Variants in NRP1 observed in about 807,000 individuals in gnomAD.
NRP1 encodes the protein neuropilin 1.
Under a neutral mutation model 106.7 loss-of-function variants are expected in NRP1, and 35 were observed. The observed-to-expected ratio is 0.33, with a 90% CI of 0.25 to 0.43. The LOEUF is 0.43. NRP1 is among the 20% of genes least tolerant of loss of function. The probability of loss-of-function intolerance (pLI) is 1.00; values close to 1 mark genes in which losing one functional copy is unlikely to be tolerated. For synonymous variants in NRP1, 437 were observed against 417.9 expected, an observed-to-expected ratio of 1.05 and a Z score of -0.56; for missense variants, 1,024 against 1,170.4, an observed-to-expected ratio of 0.87 and a Z score of 1.83.
At position 33,182,740 on chromosome 10, in the gene NRP1, C is replaced by T; in HGVS notation, c.2440G>A (p.Asp814Asn). 6.2e-7 allele frequency: 1 copy of T among 1,612,816 alleles called. No homozygotes were observed. The highest frequency in any genetic ancestry group is 8.5e-7 in the Non-Finnish European group (1 of 1,179,538). Residue 814 changes from aspartate to asparagine, a missense_variant, in exon 16 of 17, where the codon GAC (aspartate) becomes AAC (asparagine). Coordinates refer to ENST00000374867, the MANE Select transcript of NRP1 (RefSeq NM_003873.7). ...ATTTCTGGGTTCTTTTTATCCAGGT[C>T]TGCTGGTTCTGACAAGTCAAACAAA... is the stretch of plus-strand genomic sequence containing the variant. ...ISQEDCAKPA[D>N]LDKKNPEIKI...
chr10:33,327,938 A>T (rs1297689985), intron 2 of NRP1, among the ~76,000 whole-genome samples: 1 of 152,130 alleles, frequency 6.6e-6, no homozygotes, highest in Non-Finnish European at 1.5e-5. Flanking sequence ...TTTTCCATGG[A>T]TCTAATCTCC....
At chr10:33,315,714 C>T (rs573964304) in intron 2 of NRP1, among the ~76,000 whole-genome samples, 3 of 96,492 alleles carry the variant, frequency 3.1e-5, no homozygotes, top group East Asian at 6.1e-4. Flanking sequence ...TGTCAGAGGA[C>T]GGAGAAAGAA....
intron 10 of NRP1, chr10:33,205,426 C>T (rs966028912): frequency 7.9e-5 from 12 of 152,038 alleles, no homozygotes; most frequent in Admixed American, 2.0e-4. Context: ...TAGACAAGGC[C>T]GATTTATCAA....
rs777399733 is a variant in NRP1, at chr10:33,256,460, T to C, written c.670A>G (p.Ile224Val). 5 of 1,614,062 alleles carry C rather than the reference T, an allele frequency of 3.1e-6. No homozygotes were observed. The Admixed American group carries it at 5.0e-5, about 16-fold the overall frequency. ...GTTTTCTGTCCACAGTAACGCCCAA[T>C]GTGAGGGCCAACTGGAAAGGGAGGA... ...WDGFPDVGPH[I>V]GRYCGQKTPG... The change falls in exon 5 of 17, where the codon ATT becomes GTT. Residue 224 changes from isoleucine (I) to valine (V), a missense_variant. Transcript: ENST00000374867.
intron 16 of NRP1, among the ~76,000 whole-genome samples, chr10:33,181,414 A>G (rs1835676896): frequency 6.6e-6 from 1 of 152,170 alleles, no homozygotes; most frequent in Non-Finnish European, 1.5e-5. Context: ...GCAAGGTGCA[A>G]TATTTATTTG....
chr10:33,197,708 A>G lies in NRP1; in HGVS notation c.1866T>C (p.Gly622=). ...TTTCTGTGGCCAGCACAGTGGTGCC[A>G]CCTGAAAAACAAAAACAGGAACATG... ...SGTGDDFQLT[G]GTTVLATEKP... The change falls in exon 12 of 17, where the codon GGT becomes GGC. Residue 622 remains glycine (G), a splice_region_variant and synonymous_variant. Coordinates refer to ENST00000374867, the MANE Select transcript of NRP1 (RefSeq NM_003873.7). 1 of 1,588,664 alleles carries G rather than the reference A, an allele frequency of 6.3e-7. No individual in the cohort carries two copies. The highest frequency in any genetic ancestry group is 8.6e-7 in the Non-Finnish European group (1 of 1,164,196).
Position 33,261,753 on chromosome 10 carries a change from T to A in NRP1, c.658+1893A>T, listed in dbSNP as rs561349653. On this transcript the variant is annotated intron_variant, in intron 4 of 16. Coordinates refer to ENST00000374867, the MANE Select transcript of NRP1 (RefSeq NM_003873.7). ...TTTACATTTTACTTATTCTTTTTTT[T>A]AAAACAGATTCTTGCTCTGTTCCCC... Among the ~76,000 whole-genome samples, 41 of 152,324 alleles carry A rather than the reference T, an allele frequency of 2.7e-4. No homozygotes were observed. The South Asian group carries it at 6.8e-3, about 25-fold the overall frequency.
chr10:33,264,049 G>A (rs972400186), intron 3 of NRP1, among the ~76,000 whole-genome samples, 176 bp from the exon 4 acceptor site: 5 of 152,186 alleles, frequency 3.3e-5, no homozygotes, highest in African/African-American at 9.6e-5. Flanking sequence ...GGAAAGTCAA[G>A]TTCAGATTTA....
chr10:33,304,592 A>G (rs1564471822), intron 2 of NRP1, among the ~76,000 whole-genome samples: 1 of 152,232 alleles, frequency 6.6e-6, no homozygotes, highest in Non-Finnish European at 1.5e-5. Flanking sequence ...CAATGACATT[A>G]TTCAACTCAA....
At position 33,313,929 on chromosome 10, in the gene NRP1, G is replaced by A. The variant is rs566494311; in HGVS notation, c.248+16779C>T. ...ATGCAAACGTTTATTAGTTTATTAC[G>A]TAAGTTCCTTCCTTCCTTCCTTCCT... On this transcript the variant is annotated intron_variant, in intron 2 of 16. Transcript: ENST00000374867. Among the ~76,000 whole-genome samples the A allele has an allele frequency of 9.2e-5, 14 of 152,108 alleles. No homozygotes were observed. In the South Asian group the frequency reaches 1.0e-3, roughly 11 times the overall value.
chr10:33,301,587 C>T (rs1397855654), intron 2 of NRP1, among the ~76,000 whole-genome samples: 1 of 152,082 alleles, frequency 6.6e-6, no homozygotes, highest in Non-Finnish European at 1.5e-5. Context: ...AAGACGATCA[C>T]GGTCCACTGT....
intron 2 of NRP1, among the ~76,000 whole-genome samples, chr10:33,296,115 A>G (rs1348698647): frequency 1.3e-5 from 2 of 152,246 alleles, no homozygotes; most frequent in Non-Finnish European, 2.9e-5. Context: ...TTTTGTAGGT[A>G]TATAATAAGA....
chr10:33,292,466 A>T (rs1845068771), intron 2 of NRP1, among the ~76,000 whole-genome samples: 1 of 152,166 alleles, frequency 6.6e-6, no homozygotes, highest in Non-Finnish European at 1.5e-5. Context: ...ATGCATTTTG[A>T]AGTGTTCTGA....
intron 2 of NRP1, among the ~76,000 whole-genome samples, chr10:33,290,410 G>C (rs565191260): frequency 3.3e-5 from 5 of 150,176 alleles, no homozygotes; most frequent in East Asian, 2.0e-4. Flanking sequence ...GACCGACCCT[G>C]GTTAATCCAA....
chr10:33,281,494 T>C (rs746327873), intron 2 of NRP1, among the ~76,000 whole-genome samples: 12 of 152,176 alleles, frequency 7.9e-5, no homozygotes, highest in Non-Finnish European at 1.6e-4. Context: ...AGGCGGCTCC[T>C]CCATTAAGAA....
chr10:33,259,652 G>A (rs1160327450), intron 4 of NRP1, among the ~76,000 whole-genome samples: 2 of 152,124 alleles, frequency 1.3e-5, no homozygotes, highest in African/African-American at 2.4e-5. Context: ...TGATCATATC[G>A]TATCAGATGT....
chr10:33,216,107 C>A (rs923258078), intron 8 of NRP1, among the ~76,000 whole-genome samples: 1 of 151,764 alleles, frequency 6.6e-6, no homozygotes, highest in African/African-American at 2.4e-5. Context: ...CTCTTCACAC[C>A]ATTTTATCTG....
chr10:33,253,487 C>A (rs1353744143), intron 6 of NRP1, among the ~76,000 whole-genome samples: 5 of 152,174 alleles, frequency 3.3e-5, no homozygotes, highest in African/African-American at 9.7e-5. Flanking sequence ...TGCCTTCAAC[C>A]AAACCCCCTT....
chr10:33,281,352 CA>C (rs993090126), intron 2 of NRP1, among the ~76,000 whole-genome samples: 21 of 141,062 alleles, frequency 1.5e-4, no homozygotes, highest in African/African-American at 5.4e-4. Flanking sequence ...TCCCAGCCTC[CA>C]AAGTAATTTT....
Sources: gnomAD v4.1 joint callset for allele counts (sites outside exome capture counted in the v4.1 genomes callset) on GRCh38, gnomAD v4.1.1 for gene constraint, MANE v1.5 for transcripts, NCBI Gene and HGNC (gene_info 2026-07-23, HGNC 2026-07-21) for gene names.